The following AIM2 variants were observed in gnomAD, a reference collection of about 807,000 sequenced individuals.
AIM2 encodes the protein interferon-inducible protein AIM2.
A neutral mutation model predicts 27.7 loss-of-function variants in AIM2; 30 were observed. The ratio of observed to expected loss-of-function variants is 1.08; its 90% CI spans 0.81 to 1.47. The LOEUF is 1.47. Ranked by LOEUF, AIM2 falls within the 40% of genes most tolerant of loss-of-function variation. AIM2 has a pLI of 0.00. For synonymous variants in AIM2, 141 were observed against 145.3 expected (o/e 0.97, Z 0.21); for missense variants, 358 against 411.3 (o/e 0.87, Z 1.12).
chr1:159,142,680 T>C (rs572705363), upstream of AIM2, among the ~76,000 whole-genome samples: 1 of 152,326 alleles, frequency 6.6e-6, no homozygotes, highest in South Asian at 2.1e-4. Context: ...AAGACCTCTA[T>C]ACCCAGCTCA....
intron 1 of AIM2, chr1:159,132,194 C>CAAAAAAA (rs71086905): frequency 1.5e-4 from 15 of 99,416 alleles, no homozygotes; most frequent in South Asian, 3.3e-4. Flanking sequence ...CTAGAAATAC[C>CAAAAAAA]AAAAAAAAAA....
intron 1 of AIM2, among the ~76,000 whole-genome samples, chr1:159,090,163 G>A (rs1489993888): frequency 2.0e-5 from 3 of 152,148 alleles, no homozygotes; most frequent in African/African-American, 4.8e-5. Context: ...TTCTCCCTCC[G>A]CCCAACCCAG....
At chr1:159,081,563 TGAG>T, upstream of AIM2, 1 of 493,212 alleles carries the variant, frequency 2.0e-6, no homozygotes, top group Non-Finnish European at 4.1e-6. Flanking sequence ...CTCAGGCTCT[TGAG>T]TATTGATTTT....
At chr1:159,124,187 T>C (rs1647616208) in intron 1 of AIM2, among the ~76,000 whole-genome samples, 1 of 151,750 alleles carries the variant, frequency 6.6e-6, no homozygotes, top group Non-Finnish European at 1.5e-5. Context: ...TGTACCATAT[T>C]ACATCTCTTT....
chr1:159,132,086 G>A (rs576117821), intron 1 of AIM2, among the ~76,000 whole-genome samples: 22 of 151,372 alleles, frequency 1.5e-4, no homozygotes, highest in Non-Finnish European at 2.2e-4. Flanking sequence ...GGTGGCTCAC[G>A]CCTGTAATCC....
chr1:159,140,850 T>C (rs1188640306), upstream of AIM2, among the ~76,000 whole-genome samples: 1 of 152,168 alleles, frequency 6.6e-6, no homozygotes. Flanking sequence ...TCAGGAATTA[T>C]GGAAATAACA....
intron 1 of AIM2, among the ~76,000 whole-genome samples, chr1:159,102,094 T>C (rs1325786494): frequency 6.6e-6 from 1 of 152,102 alleles, no homozygotes; most frequent in Non-Finnish European, 1.5e-5. Flanking sequence ...TGGGACCAGG[T>C]GCCCCCTGCT....
intron 1 of AIM2, among the ~76,000 whole-genome samples, chr1:159,096,543 G>A (rs1245605150): frequency 1.3e-5 from 2 of 151,830 alleles, no homozygotes; most frequent in Non-Finnish European, 2.9e-5. Context: ...ATATATCCAC[G>A]GGCTCCTTTT....
intron 1 of AIM2, chr1:159,140,308 A>C (rs1452293922): frequency 6.6e-6 from 1 of 152,220 alleles, no homozygotes; most frequent in Non-Finnish European, 1.5e-5. Context: ...TAAGTCTTTA[A>C]AGTACCATAC....
intron 2 of AIM2, among the ~76,000 whole-genome samples, chr1:159,073,007 C>G (rs561611209): frequency 6.6e-6 from 1 of 152,276 alleles, no homozygotes; most frequent in Non-Finnish European, 1.5e-5. Context: ...AGTGGTAACC[C>G]TAAGGCTGGA....
intron 1 of AIM2, among the ~76,000 whole-genome samples, chr1:159,088,330 G>C (rs1263155887): frequency 6.6e-6 from 1 of 152,162 alleles, no homozygotes; most frequent in Non-Finnish European, 1.5e-5. Context: ...AGAACCATGA[G>C]AGGAAGGAAT....
intron 1 of AIM2, among the ~76,000 whole-genome samples, chr1:159,099,296 T>C (rs1657263670): frequency 6.6e-6 from 1 of 152,114 alleles, no homozygotes; most frequent in Non-Finnish European, 1.5e-5. Context: ...GAGAGCCAGG[T>C]AGGCAATGGT....
chr1:159,098,247 T>C (rs1657221202), intron 1 of AIM2, among the ~76,000 whole-genome samples: 1 of 152,222 alleles, frequency 6.6e-6, no homozygotes, highest in South Asian at 2.1e-4. Flanking sequence ...CCCAACTTTC[T>C]TCATATTGTC....
intron 1 of AIM2, among the ~76,000 whole-genome samples, chr1:159,105,050 G>A (rs1238247071): frequency 2.0e-5 from 3 of 152,192 alleles, no homozygotes; most frequent in African/African-American, 7.2e-5. Context: ...CTGGCAGGCT[G>A]TGCTTGGCCT....
chr1:159,104,327 C>T (rs1001111741), intron 1 of AIM2, among the ~76,000 whole-genome samples: 1 of 152,168 alleles, frequency 6.6e-6, no homozygotes, highest in African/African-American at 2.4e-5. Flanking sequence ...AGCCATAAGC[C>T]ACACATAGCT....
intron 1 of AIM2, among the ~76,000 whole-genome samples, chr1:159,128,062 C>G (rs935488196): frequency 1.3e-5 from 2 of 152,140 alleles, no homozygotes; most frequent in African/African-American, 4.8e-5. Flanking sequence ...TTGTCAGTCT[C>G]TCCTAGTAGA....
intron 1 of AIM2, among the ~76,000 whole-genome samples, chr1:159,119,767 C>T (rs991178768): frequency 6.6e-6 from 1 of 151,824 alleles, no homozygotes; most frequent in African/African-American, 2.4e-5. Context: ...TCGTTCTCAC[C>T]CCCACCCTAT....
At chr1:159,128,421 A>T (rs988326997) in intron 1 of AIM2, among the ~76,000 whole-genome samples, 5 of 152,012 alleles carry the variant, frequency 3.3e-5, no homozygotes, top group Non-Finnish European at 5.9e-5. Flanking sequence ...GCAACCACTA[A>T]TCCAGATTTT....
Position 159,063,528 on chromosome 1 carries a change from T to C in AIM2, c.963A>G (p.Gly321=). 1 of 1,614,110 alleles carries C rather than the reference T, an allele frequency of 6.2e-7. No homozygotes were observed. The highest frequency in any genetic ancestry group is 8.5e-7 in the Non-Finnish European group (1 of 1,180,000). Residue 321 remains glycine (G), a synonymous_variant, in exon 5 of 6, where the codon GGA becomes GGG. Transcript: ENST00000368130. ...CTCCAGATGTCAGCTGTAGTTTTTCTCCATTTTTTGACAGTGTGAAGAATG... is the reference window on the plus strand; with the variant it reads ...CTCCAGATGTCAGCTGTAGTTTTTCCCCATTTTTTGACAGTGTGAAGAATG... ...RLTFFTLSKN[G]EKLQLTSGVH... is the part of the protein sequence containing the mutation.
Sources: allele counts gnomAD v4.1 joint callset (sites outside exome capture counted in the v4.1 genomes callset), GRCh38; gene constraint gnomAD v4.1.1; transcripts MANE v1.5; gene names NCBI Gene and HGNC (gene_info 2026-07-23, HGNC 2026-07-21).